The following FUT8 variants were observed in gnomAD, a reference collection of about 807,000 sequenced individuals.
The protein encoded by FUT8 is fucosyltransferase 8.
FUT8 carries 29 observed loss-of-function variants against 71.3 expected under a neutral mutation model. The observed-to-expected ratio is 0.41, with a 90% CI of 0.30 to 0.55. The LOEUF (loss-of-function observed/expected upper bound fraction) is 0.55, where lower values mean the gene tolerates loss of function less well. Ranked by LOEUF, FUT8 falls within the 20% of genes least tolerant of loss-of-function variation. The pLI is 0.34. For synonymous variants in FUT8, 254 were observed against 239.3 expected (o/e 1.06, Z -0.57); for missense variants, 544 against 702.1 (o/e 0.77, Z 2.55).
chr14:65,736,182 G>C (rs1054845658), intron 10 of FUT8, among the ~76,000 whole-genome samples: 1 of 152,040 alleles, frequency 6.6e-6, no homozygotes, highest in African/African-American at 2.4e-5. Flanking sequence ...ATAGTATAGA[G>C]TCTTTTTGAG....
At chr14:65,651,038 CTG>C (rs1891382241) in intron 6 of FUT8, among the ~76,000 whole-genome samples, 1 of 152,298 alleles carries the variant, frequency 6.6e-6, no homozygotes, top group East Asian at 1.9e-4. Flanking sequence ...GCCATGGAAA[CTG>C]TGGATGGAGC....
At chr14:65,677,169 C>G (rs61987762) in intron 7 of FUT8, among the ~76,000 whole-genome samples, 1 of 108,562 alleles carries the variant, frequency 9.2e-6, no homozygotes, top group Admixed American at 9.6e-5. Context: ...CGCATGCGCG[C>G]GCACGTATGT....
At chr14:65,513,002 G>A (rs977306763) in intron 2 of FUT8, among the ~76,000 whole-genome samples, 2 of 152,024 alleles carry the variant, frequency 1.3e-5, no homozygotes, top group Non-Finnish European at 2.9e-5. Flanking sequence ...TTTAGAGCTA[G>A]GCTAGTGGGG....
At chr14:65,382,441 A>AT in the FUT8 span, among the ~76,000 whole-genome samples, 1 of 152,070 alleles carries the variant, frequency 6.6e-6, no homozygotes, top group South Asian at 2.1e-4. Context: ...AGTTCAAGTG[A>AT]TTCTCATGCC....
At chr14:65,525,933 G>T (rs916035553) in intron 2 of FUT8, among the ~76,000 whole-genome samples, 3 of 152,186 alleles carry the variant, frequency 2.0e-5, no homozygotes, top group Non-Finnish European at 4.4e-5. Context: ...GAGACAGTTT[G>T]TTATAATTTC....
chr14:65,530,687 A>C (rs193225668), intron 2 of FUT8, among the ~76,000 whole-genome samples: 1 of 152,160 alleles, frequency 6.6e-6, no homozygotes, highest in Admixed American at 6.5e-5. Context: ...GCGTTAAATT[A>C]AAGTTGATAT....
At chr14:65,420,721 G>A (rs1350460441) in intron 1 of FUT8, among the ~76,000 whole-genome samples, 2 of 151,742 alleles carry the variant, frequency 1.3e-5, no homozygotes, top group Non-Finnish European at 2.9e-5. Context: ...CTGGGTTTGG[G>A]GCACAGACCC....
rs566497893 is a variant in FUT8, at chr14:65,550,457, T to C, written c.-227-10880T>C. 1.3e-3 allele frequency among the ~76,000 whole-genome samples: 196 copies of C among 152,312 alleles called. 2 individuals carry two copies. Among genetic ancestry groups the C allele is most frequent in the Non-Finnish European group, 5.0e-4 (34 of 68,024 alleles). On this transcript the variant is annotated intron_variant, in intron 2 of 10. Transcript: ENST00000673929. This position sits in a 1 kb window ranked among gnomAD's most constrained non-coding sequence, Gnocchi z 4.5. ...TAATGAAGTGTTGAATATTTTGTAA[T>C]TTATTGAATACTTTACTGAAAGTGA...
At chr14:65,498,395 A>G (rs886665136) in intron 2 of FUT8, among the ~76,000 whole-genome samples, 1 of 152,146 alleles carries the variant, frequency 6.6e-6, no homozygotes, top group Admixed American at 6.5e-5. Context: ...CACTTTAATA[A>G]TTCTTATGGG....
intron 3 of FUT8, among the ~76,000 whole-genome samples, chr14:65,591,741 T>C (rs916062447): frequency 4.6e-5 from 7 of 152,074 alleles, no homozygotes; most frequent in African/African-American, 1.7e-4. Context: ...AGGAGCTCCA[T>C]GTTTAATATC....
intron 6 of FUT8, among the ~76,000 whole-genome samples, chr14:65,630,707 G>A: frequency 6.6e-6 from 1 of 152,160 alleles, no homozygotes. Flanking sequence ...TTTCCAAGTA[G>A]ATGAAAGAAC....
At chr14:65,667,666 A>G (rs1400806818) in intron 6 of FUT8, among the ~76,000 whole-genome samples, 1 of 152,200 alleles carries the variant, frequency 6.6e-6, no homozygotes, top group Non-Finnish European at 1.5e-5. Context: ...AGAACTAGAA[A>G]AAACTGATTT....
chr14:65,457,581 C>G (rs951199120), intron 2 of FUT8, among the ~76,000 whole-genome samples: 1 of 152,164 alleles, frequency 6.6e-6, no homozygotes, highest in African/African-American at 2.4e-5. Flanking sequence ...AAAATCTCAG[C>G]TCCCTGAGTG....
intron 7 of FUT8, among the ~76,000 whole-genome samples, chr14:65,706,666 A>C (rs1174099954): frequency 6.6e-6 from 1 of 152,096 alleles, no homozygotes; most frequent in East Asian, 1.9e-4. Flanking sequence ...CACATGGTAG[A>C]AGGGGCAAAC....
At chr14:65,435,346 T>C (rs2065538909) in intron 1 of FUT8, among the ~76,000 whole-genome samples, 1 of 152,246 alleles carries the variant, frequency 6.6e-6, no homozygotes, top group African/African-American at 2.4e-5. Context: ...GAGGGCCAAC[T>C]GTAAGTGACA....
At chr14:65,631,887 A>G (rs1890200783) in intron 6 of FUT8, among the ~76,000 whole-genome samples, 4 of 146,748 alleles carry the variant, frequency 2.7e-5, no homozygotes, top group Non-Finnish European at 6.0e-5. Flanking sequence ...AGTTCATTGT[A>G]TCATTCTTAT....
At chr14:65,476,189 A>G (rs1374405878) in intron 2 of FUT8, among the ~76,000 whole-genome samples, 1 of 152,160 alleles carries the variant, frequency 6.6e-6, no homozygotes, top group Admixed American at 6.5e-5. Flanking sequence ...CCAGCTGCCA[A>G]GTATATGTGA....
the FUT8 span, among the ~76,000 whole-genome samples, chr14:65,359,918 C>CGCCTCCT: frequency 6.6e-6 from 1 of 152,154 alleles, no homozygotes; most frequent in Non-Finnish European, 1.5e-5. Flanking sequence ...CTCCGCCTCC[C>CGCCTCCT]GCCTCCTGGG....
At chr14:65,518,043 A>T (rs969105654) in intron 2 of FUT8, among the ~76,000 whole-genome samples, 4 of 152,166 alleles carry the variant, frequency 2.6e-5, no homozygotes, top group African/African-American at 9.7e-5. Context: ...CTTTCAGAGT[A>T]CTTTTCCTGG....
Sources: gnomAD v4.1 joint callset for allele counts (sites outside exome capture counted in the v4.1 genomes callset) on GRCh38, gnomAD v4.1.1 for gene constraint, Gnocchi (gnomAD v3.1) non-coding constraint, MANE v1.5 for transcripts, NCBI Gene and HGNC (gene_info 2026-07-23, HGNC 2026-07-21) for gene names.